The following NAV1 variants were observed in gnomAD, a reference collection of about 807,000 sequenced individuals.
The protein encoded by NAV1 is neuron navigator 1.
A neutral mutation model predicts 175.2 loss-of-function variants in NAV1; 18 were observed. The observed-to-expected ratio is 0.10, with a 90% CI of 0.07 to 0.15. NAV1 has a LOEUF of 0.15. Among genes scored for constraint, NAV1 ranks in the 10% least tolerant of loss-of-function variants. The pLI is 1.00. For missense variants in NAV1, 1,731 were observed against 2,436.6 expected, an observed-to-expected ratio of 0.71 and a Z score of 6.10; for synonymous variants, 897 against 978.7, an observed-to-expected ratio of 0.92 and a Z score of 1.56.
At chr1:201,686,515 G>C (rs1289028970) in intron 1 of NAV1, among the ~76,000 whole-genome samples, 1 of 152,222 alleles carries the variant, frequency 6.6e-6, no homozygotes, top group Admixed American at 6.5e-5. Flanking sequence ...TGGATGCCCA[G>C]TTGTTAACTG....
intron 3 of NAV1, among the ~76,000 whole-genome samples, chr1:201,769,908 A>G (rs1675461862): frequency 6.6e-6 from 1 of 152,260 alleles, no homozygotes; most frequent in Non-Finnish European, 1.5e-5. Flanking sequence ...TTCGCAAGGC[A>G]TATATATTCT....
At chr1:201,824,618 CG>C (rs1461050944) in exon 30 of NAV1, 2 of 151,822 alleles carry the variant, frequency 1.3e-5, no homozygotes, top group African/African-American at 4.8e-5. Flanking sequence ...GACACGAAGA[CG>C]GTTGAAAATT....
intron 1 of NAV1, among the ~76,000 whole-genome samples, chr1:201,559,138 C>T (rs886835184): frequency 4.6e-5 from 7 of 152,154 alleles, no homozygotes; most frequent in African/African-American, 1.4e-4. Context: ...TTTAGCATAG[C>T]GCCAGGCATA....
chr1:201,750,489 T>A lies in NAV1; in HGVS notation c.1227-29932T>A, dbSNP rs147344868. 4.7e-3 allele frequency among the ~76,000 whole-genome samples: 723 copies of A among 152,216 alleles called. 5 individuals are homozygous for A. The highest frequency in any genetic ancestry group is 0.016 in the African/African-American group (676 of 41,526). On this transcript the variant is annotated intron_variant, in intron 3 of 29. Transcript: ENST00000367296. This position sits in a 1 kb window ranked among gnomAD's most constrained non-coding sequence, Gnocchi z 4.1. The stretch of plus-strand genomic sequence containing the variant: ...ACATTGAGGACTTCTGGTTAAAATG[T>A]TAGTAAAAACGATTGCTCTTCTTAA...
chr1:201,815,319 A>C (rs1678959556), intron 28 of NAV1, among the ~76,000 whole-genome samples: 1 of 152,166 alleles, frequency 6.6e-6, no homozygotes. Flanking sequence ...AGGCGAGAGG[A>C]TCTCTTGAGA....
rs765219155 is a variant in NAV1, at chr1:201,803,731, G to C, written c.3639+17G>C. The C allele has an allele frequency of 6.8e-7, 1 of 1,463,868 alleles. No individual in the cohort carries two copies. Among genetic ancestry groups the C allele is most frequent in the South Asian group, 1.2e-5 (1 of 85,612 alleles). The allele number at this position is 1,463,868 out of a possible 1,614,324, so 90.7% of individuals were successfully genotyped here. On this transcript the variant is annotated intron_variant, in intron 16 of 29. Coordinates refer to ENST00000367296, the Ensembl canonical transcript of NAV1. ...AAGAGTTGGGTAGGTAAAGGTTTGGGGGGTGGGAAGTAGGTAGAACCGTGG... is the reference window on the plus strand; with the variant it reads ...AAGAGTTGGGTAGGTAAAGGTTTGGCGGGTGGGAAGTAGGTAGAACCGTGG...
At chr1:201,680,145 C>T (rs1670404667) in intron 1 of NAV1, among the ~76,000 whole-genome samples, 1 of 152,154 alleles carries the variant, frequency 6.6e-6, no homozygotes, top group African/African-American at 2.4e-5. Flanking sequence ...AGCTTTTACT[C>T]ATGGCAGAAG....
chr1:201,656,225 G>C (rs1210252876), intron 1 of NAV1, among the ~76,000 whole-genome samples: 2 of 152,268 alleles, frequency 1.3e-5, no homozygotes, highest in Non-Finnish European at 2.9e-5. Context: ...GGCCACTGGA[G>C]TGGGTGGTTT....
At chr1:201,553,555 G>A (rs1665926014) in intron 1 of NAV1, among the ~76,000 whole-genome samples, 1 of 152,184 alleles carries the variant, frequency 6.6e-6, no homozygotes, top group South Asian at 2.1e-4. Flanking sequence ...TACAAACAGT[G>A]AAACACACAG....
intron 1 of NAV1, among the ~76,000 whole-genome samples, chr1:201,672,459 A>G (rs1670078584): frequency 6.6e-6 from 1 of 152,158 alleles, no homozygotes; most frequent in Non-Finnish European, 1.5e-5. Flanking sequence ...CAGATTTTGG[A>G]TAATAGAGCA....
chr1:201,595,824 G>C (rs555018472), intron 2 of NAV1, among the ~76,000 whole-genome samples: 4 of 152,362 alleles, frequency 2.6e-5, no homozygotes, highest in African/African-American at 7.2e-5. Flanking sequence ...CTGCAACCAA[G>C]GTGCCCTTCT....
chr1:201,757,502 C>T (rs1238847184), intron 3 of NAV1, among the ~76,000 whole-genome samples: 1 of 152,200 alleles, frequency 6.6e-6, no homozygotes, highest in African/African-American at 2.4e-5. Flanking sequence ...GATTCTTCTG[C>T]TTTTGCTGGA....
At chr1:201,646,986 TAG>T (rs1202172079), upstream of NAV1, among the ~76,000 whole-genome samples, 1 of 152,136 alleles carries the variant, frequency 6.6e-6, no homozygotes, top group African/African-American at 2.4e-5. Context: ...GGAAAGGAGC[TAG>T]AGAGATGGAG....
chr1:201,713,961 TA>T (rs1672022849), intron 2 of NAV1, among the ~76,000 whole-genome samples: 1 of 152,242 alleles, frequency 6.6e-6, no homozygotes, highest in African/African-American at 2.4e-5. Context: ...ATTTTTAACA[TA>T]GGCTTTTTAA....
At chr1:201,647,767 A>G (rs550128016), upstream of NAV1, among the ~76,000 whole-genome samples, 3 of 151,952 alleles carry the variant, frequency 2.0e-5, no homozygotes, top group East Asian at 5.8e-4. Context: ...GAGGGGAATG[A>G]GCACCCTGGA....
chr1:201,752,479 A>G (rs1674182062), intron 3 of NAV1, among the ~76,000 whole-genome samples: 1 of 152,200 alleles, frequency 6.6e-6, no homozygotes, highest in Non-Finnish European at 1.5e-5. Context: ...ATCCTTAACA[A>G]GCACTCTTAT....
intron 1 of NAV1, among the ~76,000 whole-genome samples, chr1:201,650,193 G>A (rs1284914078): frequency 1.3e-5 from 2 of 152,226 alleles, no homozygotes; most frequent in African/African-American, 2.4e-5. Context: ...GAGGAACAAA[G>A]CTTGCTCGAG....
rs534329712 is a variant in NAV1 at position 201,812,951 on chromosome 1, C to T, written c.5222-189C>T. 6.6e-6 allele frequency among the ~76,000 whole-genome samples: 1 copy of T among 152,358 alleles called. No individual in the cohort carries two copies. Among genetic ancestry groups the T allele is most frequent in the Non-Finnish European group, 1.5e-5 (1 of 68,032 alleles). On this transcript the variant is annotated intron_variant, in intron 27 of 29. Coordinates refer to ENST00000367296, the Ensembl canonical transcript of NAV1. The surrounding 1 kb of genome is among the most constrained non-coding windows in gnomAD (Gnocchi z 4.6). Reference sequence around the variant, plus strand: ...CTTTCCTCACTCCCTTATCTCACTTCTACCTTGTGAAGCAGGACTTATGAG... The same window carrying T: ...CTTTCCTCACTCCCTTATCTCACTTTTACCTTGTGAAGCAGGACTTATGAG...
At chr1:201,650,001 G>A (rs939076543) in intron 1 of NAV1, among the ~76,000 whole-genome samples, 1 of 152,154 alleles carries the variant, frequency 6.6e-6, no homozygotes, top group African/African-American at 2.4e-5. Context: ...CCGGGGGCGG[G>A]CGGGCTGCCA....
Sources: allele counts gnomAD v4.1 joint callset (sites outside exome capture counted in the v4.1 genomes callset), GRCh38; gene constraint gnomAD v4.1.1; non-coding constraint Gnocchi (gnomAD v3.1); transcripts MANE v1.5; gene names NCBI Gene and HGNC (gene_info 2026-07-23, HGNC 2026-07-21).